The following PKP3 variants were observed in gnomAD, a reference collection of about 807,000 sequenced individuals.
PKP3 encodes the protein plakophilin 3.
Under a neutral mutation model 76.5 loss-of-function variants are expected in PKP3, and 66 were observed. The observed-to-expected ratio is 0.86, with a 90% CI of 0.71 to 1.06. PKP3 has a LOEUF of 1.06. PKP3 is among the 50% of genes least tolerant of loss of function. The pLI, the probability that PKP3 is intolerant of heterozygous loss-of-function variation, is 0.00. For missense variants in PKP3, 1,338 were observed against 1,141.0 expected, an observed-to-expected ratio of 1.17 and a Z score of -2.49; for synonymous variants, 638 against 516.5, an observed-to-expected ratio of 1.24 and a Z score of -3.19.
At chr11:400,497 C>T in intron 7 of PKP3, 38 bp from the exon 8 acceptor site, 2 of 1,505,110 alleles carry the variant, frequency 1.3e-6, no homozygotes, top group Non-Finnish European at 1.8e-6. Flanking sequence ...CGGGCCGCCG[C>T]TCTGACCCGC....
intron 6 of PKP3, 62 bp downstream of exon 6, chr11:400,203 C>A: frequency 2.8e-6 from 4 of 1,438,832 alleles, no homozygotes; most frequent in Non-Finnish European, 3.7e-6. Context: ...GGGACTCCGC[C>A]TGGCCTGGCG....
At chr11:400,783 C>CGGA (rs1847143581) in intron 8 of PKP3, 78 bp downstream of exon 8, 2 of 701,724 alleles carry the variant, frequency 2.9e-6, no homozygotes, top group African/African-American at 2.3e-5. Flanking sequence ...CTCACCCCCG[C>CGGA]CCCGCTCACC....
chr11:394,039 C>G, upstream of PKP3: 1 of 470,510 alleles, frequency 2.1e-6, no homozygotes, highest in Non-Finnish European at 3.6e-6. Context: ...GGAGGCCAGG[C>G]TGGGACCTGG....
intron 1 of PKP3, 96 bp from the exon 2 acceptor site, chr11:396,512 C>CAA (rs1847046411): frequency 1.2e-6 from 1 of 851,158 alleles, no homozygotes. Context: ...GAGGCTGCTC[C>CAA]TAGGGTTGCC....
At position 403,635 on chromosome 11, in the gene PKP3, C is replaced by T; in HGVS notation, c.1941C>T (p.Ser647=). Reference sequence around the variant, plus strand: ...CCCCACAGTGGGCGGGGGTGCTGAGCCGCCTGGCCCTGGAGCAGGAGCGTA... The same window carrying T: ...CCCCACAGTGGGCGGGGGTGCTGAGTCGCCTGGCCCTGGAGCAGGAGCGTA... ...AGDRRWAGVL[S]RLALEQERIL... Residue 647 remains serine, a synonymous_variant, in exon 10 of 13, where the codon AGC becomes AGT. Coordinates refer to ENST00000331563, the MANE Select transcript of PKP3 (RefSeq NM_007183.4). 1.2e-6 allele frequency: 2 copies of T among 1,606,682 alleles called. No homozygotes were observed. Among genetic ancestry groups the T allele is most frequent in the Non-Finnish European group, 8.5e-7 (1 of 1,179,786 alleles).
At position 400,649 on chromosome 11, in the gene PKP3, G is replaced by T. The variant is rs775200874; in HGVS notation, c.1681G>T (p.Ala561Ser). ...TCGCGGCCGCAGGGACCTGGCGGGGGCGCCGCCGGGAGAGGTCGTGGGCTG... is the reference window on the plus strand; with the variant it reads ...TCGCGGCCGCAGGGACCTGGCGGGGTCGCCGCCGGGAGAGGTCGTGGGCTG... ...EGRGRRDLAG[A>S]PPGEVVGCFT... Residue 561 changes from alanine (A) to serine (S), a missense_variant, in exon 8 of 13, where the codon GCG becomes TCG. Transcript: ENST00000331563. The T allele has an allele frequency of 7.1e-5, 97 of 1,367,106 alleles. No individual in the cohort carries two copies. In the African/African-American group the frequency reaches 9.4e-4, roughly 13 times the overall value. The allele number at this position is 1,367,106 out of a possible 1,614,324, so 84.7% of individuals were successfully genotyped here.
intron 8 of PKP3, 33 bp downstream of exon 8, chr11:400,738 G>A: frequency 8.6e-7 from 1 of 1,168,062 alleles, no homozygotes; most frequent in Admixed American, 4.7e-5. Flanking sequence ...CGTGGGGTGG[G>A]TGCTGCGACC....
rs1396198939 is a variant in PKP3, at chr11:400,522, C to A, written c.1567-13C>A. On this transcript the variant is annotated splice_polypyrimidine_tract_variant and intron_variant, in intron 7 of 12. Coordinates refer to ENST00000331563, the MANE Select transcript of PKP3 (RefSeq NM_007183.4). ...CTCTGACCCGCGCCCCTGCCCCGCG[C>A]CCCCGCCCGCAGAGCGTGGAGAACG... The A allele has an allele frequency of 1.3e-6, 2 of 1,490,224 alleles. No individual in the cohort carries two copies. Among genetic ancestry groups the A allele is most frequent in the East Asian group, 5.1e-5 (2 of 38,880 alleles). 92.3% of individuals were successfully genotyped at this position (1,490,224 alleles called of 1,614,324 possible).
intron 1 of PKP3, among the ~76,000 whole-genome samples, chr11:395,682 C>T (rs1455422444): frequency 6.6e-6 from 1 of 152,196 alleles, no homozygotes; most frequent in African/African-American, 2.4e-5. Flanking sequence ...GAACCTGGGG[C>T]CTCTGCCATG....
chr11:400,415 C>A lies in PKP3; in HGVS notation c.1530C>A (p.Ile510=). The change falls in exon 7 of 13, where the codon ATC becomes ATA. Residue 510 remains isoleucine, a synonymous_variant. Coordinates refer to ENST00000331563, the MANE Select transcript of PKP3 (RefSeq NM_007183.4). ...TGGTGGACGCCCTGGTCACCTCTAT[C>A]AACCACGCCCTGGACGCGGGCAAAT... ...HGLVDALVTS[I]NHALDAGKCE... 1.3e-6 allele frequency: 2 copies of A among 1,548,472 alleles called. No homozygotes were observed. Among genetic ancestry groups the A allele is most frequent in the Non-Finnish European group, 1.7e-6 (2 of 1,146,006 alleles).
chr11:400,008 C>T lies in PKP3; in HGVS notation c.1315C>T (p.Arg439Cys). ...NLSSSDHLKDRLARDTLEQLT... is the reference protein window; with the variant it reads ...NLSSSDHLKDCLARDTLEQLT... ...TTCATCCAGCGACCACCTGAAGGAC[C>T]GCCTGGCCAGAGACACGCTGGAGCA... The change falls in exon 6 of 13, where the codon CGC becomes TGC. Residue 439 changes from arginine to cysteine, a missense_variant. Physicochemically the swap from Arg to Cys is radical, Grantham distance 180. Transcript: ENST00000331563. 6.2e-7 allele frequency: 1 copy of T among 1,607,276 alleles called. No individual in the cohort carries two copies. Among genetic ancestry groups the T allele is most frequent in the Non-Finnish European group, 8.5e-7 (1 of 1,178,290 alleles).
At position 403,182 on chromosome 11, in the gene PKP3, G is replaced by A. The variant is rs1353262161; in HGVS notation, c.1842G>A (p.Leu614=). Reference sequence around the variant, plus strand: ...AGATCGTGGGGCTGTACAACCGGCTGCTGCAGCGCTGCGAGCTCAACCGGC... The same window carrying A: ...AGATCGTGGGGCTGTACAACCGGCTACTGCAGCGCTGCGAGCTCAACCGGC... ...SPQIVGLYNR[L]LQRCELNRHT... The change falls in exon 9 of 13, where the codon CTG becomes CTA. Residue 614 remains leucine (L), a synonymous_variant. Transcript: ENST00000331563. 6 of 1,588,888 alleles carry A rather than the reference G, an allele frequency of 3.8e-6. No homozygotes were observed. Among genetic ancestry groups the A allele is most frequent in the Non-Finnish European group, 5.1e-6 (6 of 1,169,624 alleles).
chr11:397,475 G>A (rs778698709), intron 3 of PKP3, 30 bp downstream of exon 3: 2 of 1,611,770 alleles, frequency 1.2e-6, no homozygotes, highest in South Asian at 1.1e-5. Flanking sequence ...TCAGGGAGGG[G>A]GCTTCTACCA....
At chr11:398,971 C>A (rs372953509) in intron 4 of PKP3, 21 bp from the exon 5 acceptor site, 5 of 1,534,820 alleles carry the variant, frequency 3.3e-6, no homozygotes, top group Middle Eastern at 1.8e-4. Flanking sequence ...TCTGTGCACC[C>A]CCATATGCCT....
At position 403,626 on chromosome 11, in the gene PKP3, G is replaced by A; in HGVS notation, c.1932G>A (p.Gly644=). Residue 644 remains glycine (G), a synonymous_variant, in exon 10 of 13, where the codon GGG becomes GGA. Coordinates refer to ENST00000331563, the MANE Select transcript of PKP3 (RefSeq NM_007183.4). The stretch of plus-strand genomic sequence containing the variant: ...ACCCTCCCTCCCCACAGTGGGCGGG[G>A]GTGCTGAGCCGCCTGGCCCTGGAGC... ...NITAGDRRWA[G]VLSRLALEQE... 12 of 1,605,408 alleles carry A rather than the reference G, an allele frequency of 7.5e-6. No homozygotes were observed. Among genetic ancestry groups the A allele is most frequent in the Non-Finnish European group, 9.3e-6 (11 of 1,179,704 alleles).
intron 4 of PKP3, among the ~76,000 whole-genome samples, 172 bp from the exon 5 acceptor site, chr11:398,820 C>T (rs1400074049): frequency 6.7e-6 from 1 of 149,434 alleles, no homozygotes; most frequent in African/African-American, 2.5e-5. Context: ...ACCTCCGTAC[C>T]CCCGCACACA....
chr11:394,658 C>A, intron 1 of PKP3, 134 bp downstream of exon 1: 1 of 665,894 alleles, frequency 1.5e-6, no homozygotes, highest in Non-Finnish European at 2.0e-6. Context: ...GTCACACACC[C>A]CGCCCCAGGG....
chr11:395,603 A>C (rs570911149), intron 1 of PKP3, among the ~76,000 whole-genome samples: 1 of 152,156 alleles, frequency 6.6e-6, no homozygotes, highest in East Asian at 1.9e-4. Context: ...GCGTGCCCCC[A>C]CTCCGGGCTG....
chr11:396,772 G>C (rs1266717883), intron 2 of PKP3, 42 bp from the exon 3 acceptor site: 1 of 1,569,658 alleles, frequency 6.4e-7, no homozygotes, highest in Non-Finnish European at 8.6e-7. Context: ...CCGGACACAG[G>C]TGAGCCCAGG....
Sources: gnomAD v4.1 joint callset for allele counts (sites outside exome capture counted in the v4.1 genomes callset) on GRCh38, gnomAD v4.1.1 for gene constraint, MANE v1.5 for transcripts, NCBI Gene and HGNC (gene_info 2026-07-23, HGNC 2026-07-21) for gene names.